Variants in SYN2 observed in about 807,000 individuals in gnomAD.
The protein encoded by SYN2 is synapsin-2.
A neutral mutation model predicts 50.9 loss-of-function variants in SYN2; 19 were observed. The ratio of observed to expected loss-of-function variants is 0.37; its 90% CI spans 0.26 to 0.55. The LOEUF (loss-of-function observed/expected upper bound fraction) is 0.55. Ranked by LOEUF, SYN2 falls within the 20% of genes least tolerant of loss-of-function variation. The probability of loss-of-function intolerance (pLI) is 0.81; values close to 1 mark genes in which losing one functional copy is unlikely to be tolerated. For missense variants in SYN2, 587 were observed against 576.4 expected, an observed-to-expected ratio of 1.02 and a Z score of -0.19; for synonymous variants, 255 against 224.9, an observed-to-expected ratio of 1.13 and a Z score of -1.20.
In SYN2 at chr3:12,081,961, G is replaced by A. The variant is rs560272433; in HGVS notation, c.378-58690G>A. Among the ~76,000 whole-genome samples, 324 of 152,250 alleles carry A rather than the reference G, an allele frequency of 2.1e-3. 1 individual carries two copies. Among genetic ancestry groups the A allele is most frequent in the African/African-American group, 6.6e-3 (273 of 41,548 alleles). ...GGGTAGAACTGAAGGACCAATGGGC[G>A]GAAACTAAGGAAGACAGAATTAGGA... On this transcript the variant is annotated intron_variant, in intron 1 of 12. Transcript: ENST00000621198.
At chr3:12,030,376 A>G (rs1296427032) in intron 1 of SYN2, among the ~76,000 whole-genome samples, 1 of 117,552 alleles carries the variant, frequency 8.5e-6, no homozygotes, top group Non-Finnish European at 1.8e-5. Flanking sequence ...TTGGTATCAG[A>G]ATGATGCTGG....
intron 1 of SYN2, among the ~76,000 whole-genome samples, chr3:12,047,066 T>G (rs1301222727): frequency 2.0e-5 from 3 of 152,232 alleles, no homozygotes; most frequent in Admixed American, 2.0e-4. Flanking sequence ...CTTGTTTTTT[T>G]CATGACTGAA....
intron 1 of SYN2, among the ~76,000 whole-genome samples, chr3:12,105,359 C>T (rs1696163278): frequency 6.6e-6 from 1 of 151,862 alleles, no homozygotes; most frequent in African/African-American, 2.4e-5. Flanking sequence ...TTGATCTCCT[C>T]TAAGTCACTA....
At chr3:12,161,738 C>T in intron 6 of SYN2, 130 bp downstream of exon 6, 1 of 1,196,546 alleles carries the variant, frequency 8.4e-7, no homozygotes, top group Admixed American at 2.0e-5. Flanking sequence ...GATTTGCCAC[C>T]TCTAAAGCCA....
intron 1 of SYN2, among the ~76,000 whole-genome samples, chr3:12,090,349 C>T (rs1267346400): frequency 6.9e-6 from 1 of 144,990 alleles, no homozygotes; most frequent in Non-Finnish European, 1.5e-5. Flanking sequence ...ACAGGTCATA[C>T]CTAGGATCCC....
At chr3:12,157,580 A>G in intron 5 of SYN2, 4 of 1,218,644 alleles carry the variant, frequency 3.3e-6, no homozygotes, top group Non-Finnish European at 4.7e-6. Flanking sequence ...TCTATAGGGC[A>G]GTTCTTGGTT....
At chr3:12,075,902 C>A (rs961791998) in intron 1 of SYN2, among the ~76,000 whole-genome samples, 1 of 152,062 alleles carries the variant, frequency 6.6e-6, no homozygotes, top group African/African-American at 2.4e-5. Context: ...ATATTACCAG[C>A]CAATATTCCT....
At chr3:12,168,534 C>T in intron 9 of SYN2, 56 bp downstream of exon 9, 3 of 1,428,028 alleles carry the variant, frequency 2.1e-6, no homozygotes, top group Non-Finnish European at 2.0e-6. Context: ...ACTATGTGGG[C>T]AGCTCAGACT....
intron 1 of SYN2, among the ~76,000 whole-genome samples, chr3:12,067,465 T>C (rs537219360): frequency 1.6e-4 from 25 of 152,206 alleles, no homozygotes; most frequent in Non-Finnish European, 3.2e-4. Flanking sequence ...TTAATATGCA[T>C]GGCATCACAA....
chr3:12,025,990 G>A (rs1559390008), intron 1 of SYN2, among the ~76,000 whole-genome samples: 1 of 152,156 alleles, frequency 6.6e-6, no homozygotes, highest in African/African-American at 2.4e-5. Flanking sequence ...GAATGGGAAG[G>A]CAGGAATGCC....
rs149126059 is a variant in SYN2 at position 12,133,629 on chromosome 3, A to G, written c.378-7022A>G. Among the ~76,000 whole-genome samples the G allele has an allele frequency of 6.6e-5, 10 of 152,350 alleles. No individual in the cohort carries two copies. The East Asian group carries it at 1.9e-3, about 29-fold the overall frequency. On this transcript the variant is annotated intron_variant, in intron 1 of 12. Coordinates refer to ENST00000621198, the MANE Select transcript of SYN2 (RefSeq NM_133625.6). ...CTGCCAAGTGCCAGTAAAATAGAAA[A>G]TTCTGAAGTCTAATTACTACACTGG...
At chr3:12,045,535 A>G (rs1316720484) in intron 1 of SYN2, among the ~76,000 whole-genome samples, 1 of 152,184 alleles carries the variant, frequency 6.6e-6, no homozygotes, top group Non-Finnish European at 1.5e-5. Context: ...TAGAGAGACT[A>G]CCACCACTAT....
At chr3:12,170,315 A>C (rs752848962) in intron 10 of SYN2, among the ~76,000 whole-genome samples, 14 of 152,206 alleles carry the variant, frequency 9.2e-5, no homozygotes, top group Admixed American at 1.3e-4. Context: ...ATCTTCGTAA[A>C]TAAGGAAGTC....
chr3:12,052,926 G>C (rs777575551), intron 1 of SYN2, among the ~76,000 whole-genome samples: 26 of 152,090 alleles, frequency 1.7e-4, no homozygotes, highest in Non-Finnish European at 2.9e-4. Context: ...GCTTGCTGCT[G>C]GTTCCCATAT....
intron 12 of SYN2, among the ~76,000 whole-genome samples, chr3:12,188,609 A>G (rs75636103): frequency 4.8e-5 from 1 of 20,708 alleles, no homozygotes; most frequent in Non-Finnish European, 7.4e-5. Context: ...TTGCTCAAAG[A>G]AAAATTTTTT....
At chr3:12,020,881 G>A (rs1479314619) in intron 1 of SYN2, among the ~76,000 whole-genome samples, 1 of 152,096 alleles carries the variant, frequency 6.6e-6, no homozygotes, top group Non-Finnish European at 1.5e-5. Flanking sequence ...ATGTAATAAA[G>A]TATGATTTAT....
intron 1 of SYN2, among the ~76,000 whole-genome samples, chr3:12,035,838 C>T (rs1308626755): frequency 1.3e-5 from 2 of 152,176 alleles, no homozygotes; most frequent in Non-Finnish European, 2.9e-5. Context: ...GAGTTCAGTC[C>T]TCATTTCCTC....
intron 1 of SYN2, among the ~76,000 whole-genome samples, chr3:12,015,639 G>A (rs1005566252): frequency 7.2e-5 from 11 of 152,138 alleles, no homozygotes; most frequent in Admixed American, 2.0e-4. Flanking sequence ...TACACCTTCC[G>A]TTACATAAGG....
At chr3:12,010,420 G>A (rs567509491) in intron 1 of SYN2, among the ~76,000 whole-genome samples, 58 of 152,240 alleles carry the variant, frequency 3.8e-4, no homozygotes, top group African/African-American at 1.2e-3. Flanking sequence ...TATTGGAATC[G>A]TCCAGTCCAA....
Sources: gnomAD v4.1 joint callset for allele counts (sites outside exome capture counted in the v4.1 genomes callset) on GRCh38, gnomAD v4.1.1 for gene constraint, MANE v1.5 for transcripts, NCBI Gene and HGNC (gene_info 2026-07-23, HGNC 2026-07-21) for gene names.